The following SETD2 variants were observed in gnomAD, a reference collection of about 807,000 sequenced individuals.
SETD2 encodes SET domain containing 2, histone lysine methyltransferase.
Under a neutral mutation model 242.1 loss-of-function variants are expected in SETD2, and 31 were observed. The ratio of observed to expected loss-of-function variants is 0.13; its 90% CI spans 0.10 to 0.17. The LOEUF (loss-of-function observed/expected upper bound fraction) is 0.17. SETD2 is among the 10% of genes least tolerant of loss of function. The pLI, the probability that SETD2 is intolerant of heterozygous loss-of-function variation, is 1.00. For synonymous variants in SETD2, 1,006 were observed against 1,066.5 expected, an observed-to-expected ratio of 0.94 and a Z score of 1.11; for missense variants, 2,481 against 3,046.3, an observed-to-expected ratio of 0.81 and a Z score of 4.37.
At chr3:47,092,432 T>G (rs1311351668) in intron 9 of SETD2, among the ~76,000 whole-genome samples, 1 of 151,638 alleles carries the variant, frequency 6.6e-6, no homozygotes, top group African/African-American at 2.4e-5. Context: ...ATGAGGTAAG[T>G]AACTAAAAGT....
At chr3:47,162,239 T>C (rs889548256) in intron 1 of SETD2, among the ~76,000 whole-genome samples, 1 of 152,208 alleles carries the variant, frequency 6.6e-6, no homozygotes, top group African/African-American at 2.4e-5. Context: ...TGTTACTTTG[T>C]ACAGAGCAAG....
chr3:47,069,616 T>G (rs1357062997), intron 12 of SETD2, among the ~76,000 whole-genome samples: 4 of 152,104 alleles, frequency 2.6e-5, no homozygotes, highest in Non-Finnish European at 5.9e-5. Flanking sequence ...GAGAAAAAAC[T>G]AGGTAGGCCT....
chr3:47,139,837 T>G (rs1023881117), intron 1 of SETD2, among the ~76,000 whole-genome samples: 5 of 152,214 alleles, frequency 3.3e-5, no homozygotes, highest in Non-Finnish European at 5.9e-5. Context: ...GGTAAAGCAC[T>G]TTGGAGTAAG....
intron 9 of SETD2, among the ~76,000 whole-genome samples, chr3:47,089,802 AT>A: frequency 6.6e-6 from 1 of 152,198 alleles, no homozygotes; most frequent in Non-Finnish European, 1.5e-5. Context: ...CTGAAATAAG[AT>A]TAGAAATAGG....
At chr3:47,100,805 T>G (rs2042179859) in intron 8 of SETD2, among the ~76,000 whole-genome samples, 1 of 150,812 alleles carries the variant, frequency 6.6e-6, no homozygotes, top group African/African-American at 2.4e-5. Flanking sequence ...GGTCAGGAGA[T>G]CAAGACCATC....
intron 14 of SETD2, among the ~76,000 whole-genome samples, chr3:47,061,475 GT>G (rs1202827540): frequency 6.6e-6 from 1 of 152,132 alleles, no homozygotes; most frequent in East Asian, 1.9e-4. Context: ...TCAATAAATG[GT>G]GCTGAGAAAA....
rs775054001 is a variant in SETD2, at chr3:47,122,433, T to C, written c.2203A>G (p.Thr735Ala). 5 of 1,614,190 alleles carry C rather than the reference T, an allele frequency of 3.1e-6. No individual in the cohort carries two copies. The highest frequency in any genetic ancestry group is 4.2e-6 in the Non-Finnish European group (5 of 1,180,014). Residue 735 changes from threonine to alanine, a missense_variant, in exon 3 of 21, where the codon ACC (threonine) becomes GCC (alanine). Around this residue, in one of 17 missense-constraint regions of SETD2, gnomAD observed 1,300 missense variants for 1,259.2 expected, o/e 1.03. Coordinates refer to ENST00000409792, the MANE Select transcript of SETD2 (RefSeq NM_014159.7). ...SRCKEKDLDD[T>A]CMLHKKSESP... ...TCTGACTTCTTATGCAGCATGCAGG[T>C]ATCATCCAAGTCTTTTTCTTTGCAC... is the stretch of plus-strand genomic sequence containing the variant.
chr3:47,140,336 C>T (rs887742497), intron 1 of SETD2, among the ~76,000 whole-genome samples: 13 of 152,172 alleles, frequency 8.5e-5, no homozygotes, highest in African/African-American at 1.2e-4. Flanking sequence ...TAAGTTGGAA[C>T]GTTGGGTGAC....
At chr3:47,157,573 C>T (rs1299227192) in intron 1 of SETD2, 1 of 455,814 alleles carries the variant, frequency 2.2e-6, no homozygotes, top group Admixed American at 2.4e-5. Flanking sequence ...CCATTCAATA[C>T]TAACAATAAA....
At chr3:47,051,716 C>A (rs113569731) in intron 15 of SETD2, among the ~76,000 whole-genome samples, 9,421 of 150,642 alleles carry the variant, frequency 0.063, 415 homozygotes, top group Non-Finnish European at 0.092. Flanking sequence ...AAAGCTAGTT[C>A]GAATTCTAGT....
chr3:47,051,523 T>C (rs2039844570), intron 15 of SETD2, among the ~76,000 whole-genome samples: 1 of 152,218 alleles, frequency 6.6e-6, no homozygotes, highest in South Asian at 2.1e-4. Flanking sequence ...ATTTCCACAT[T>C]ACTCAGTCTA....
intron 1 of SETD2, among the ~76,000 whole-genome samples, chr3:47,131,501 A>C (rs975183798): frequency 2.7e-5 from 4 of 150,222 alleles, no homozygotes; most frequent in African/African-American, 9.8e-5. Context: ...CCACCACCAC[A>C]CCCGGCTAAT....
Position 47,046,567 on chromosome 3 carries a change from G to A in SETD2, c.7018C>T (p.His2340Tyr), listed in dbSNP as rs1559660982. Reference protein sequence around the residue: ...YIQGQQIFTAHPQGVVVQPAA... With the variant: ...YIQGQQIFTAYPQGVVVQPAA... ...GGCTGTACCACCACTCCTTGTGGATGAGCTGTGAAAATCTGTTGCCCCTGG... is the reference window on the plus strand; with the variant it reads ...GGCTGTACCACCACTCCTTGTGGATAAGCTGTGAAAATCTGTTGCCCCTGG... The change falls in exon 16 of 21, where the codon CAT (histidine) becomes TAT (tyrosine). Residue 2340 changes from histidine (H) to tyrosine (Y), a missense_variant. His to Tyr is a moderately conservative substitution (Grantham distance 83). This residue lies in a region of SETD2 where 235 missense variants were observed against 293.9 expected (regional missense o/e 0.80). Coordinates refer to ENST00000409792, the MANE Select transcript of SETD2 (RefSeq NM_014159.7). 1.2e-6 allele frequency: 2 copies of A among 1,613,548 alleles called. No homozygotes were observed. Among genetic ancestry groups the A allele is most frequent in the Non-Finnish European group, 8.5e-7 (1 of 1,179,606 alleles).
At chr3:47,101,636 G>T in intron 7 of SETD2, 81 bp from the exon 8 acceptor site, 1 of 710,508 alleles carries the variant, frequency 1.4e-6, no homozygotes, top group Non-Finnish European at 2.4e-6. Flanking sequence ...GTGTGTGTGC[G>T]CATATATAAA....
At chr3:47,125,990 G>A (rs1020611035) in intron 2 of SETD2, among the ~76,000 whole-genome samples, 2 of 152,210 alleles carry the variant, frequency 1.3e-5, no homozygotes, top group African/African-American at 4.8e-5. Context: ...AAGTTGGAAA[G>A]TAAATACTTT....
rs756197752 is a variant in SETD2 at position 47,042,618 on chromosome 3, T to C, written c.7181A>G (p.Asn2394Ser). ...PKPKTIVLPP[N>S]WKTARDPEGK... ...TTCTGGATCTCGAGCTGTCTTCCAG[T>C]TGGGAGGTAAGACAATGGTTTTTGG... Residue 2394 changes from asparagine (N) to serine (S), a missense_variant, in exon 17 of 21, where the codon AAC (asparagine) becomes AGC (serine). Around this residue, in one of 17 missense-constraint regions of SETD2, gnomAD observed 235 missense variants for 293.9 expected, o/e 0.80. Transcript: ENST00000409792. 5 of 1,613,830 alleles carry C rather than the reference T, an allele frequency of 3.1e-6. No homozygotes were observed. In the South Asian group the frequency reaches 4.4e-5, roughly 14 times the overall value.
chr3:47,042,679 T>G lies in SETD2; in HGVS notation c.7120A>C (p.Asn2374His). ...GAGGGGGGCGGCAGATCCAAGAGAT[T>G]ATTTGTCACAACCATTTCAGACTAC... ...LQPSEMVVTN[N>H]LLDLPPPSPP... Residue 2374 changes from asparagine (N) to histidine (H), a missense_variant, in exon 17 of 21, where the codon AAT (asparagine) becomes CAT (histidine). Physicochemically the swap from Asn to His is moderately conservative, Grantham distance 68. Transcript: ENST00000409792. The G allele has an allele frequency of 6.2e-7, 1 of 1,608,958 alleles. No individual in the cohort carries two copies. The highest frequency in any genetic ancestry group is 1.1e-5 in the South Asian group (1 of 90,258).
At chr3:47,049,173 T>C (rs1280784756) in intron 15 of SETD2, among the ~76,000 whole-genome samples, 1 of 151,398 alleles carries the variant, frequency 6.6e-6, no homozygotes, top group African/African-American at 2.4e-5. Context: ...TGAACTCTTG[T>C]GTTTGAGTGA....
Position 47,078,038 on chromosome 3 carries a change from G to T in SETD2, c.6060+5682C>A, listed in dbSNP as rs576007537. On this transcript the variant is annotated intron_variant, in intron 12 of 20. Coordinates refer to ENST00000409792, the MANE Select transcript of SETD2 (RefSeq NM_014159.7). ...AGAATGTCCAATAAACAAAGTAAAA[G>T]GAATAATGAATTAGAAAATCACCAT... Among the ~76,000 whole-genome samples, 8 of 152,192 alleles carry T rather than the reference G, an allele frequency of 5.3e-5. No homozygotes were observed. In the South Asian group the frequency reaches 1.7e-3, roughly 32 times the overall value.
Sources: gnomAD v4.1 joint callset for allele counts (sites outside exome capture counted in the v4.1 genomes callset) on GRCh38, gnomAD v4.1.1 for gene constraint, gnomAD v4.1.1 regional missense constraint, MANE v1.5 for transcripts, NCBI Gene and HGNC (gene_info 2026-07-23, HGNC 2026-07-21) for gene names.